Variants in FTO observed in about 807,000 individuals in gnomAD.
The protein encoded by FTO is alpha-ketoglutarate-dependent dioxygenase FTO.
A neutral mutation model predicts 63.9 loss-of-function variants in FTO; 47 were observed. The ratio of observed to expected loss-of-function variants is 0.74; its 90% confidence interval spans 0.58 to 0.94. The LOEUF (loss-of-function observed/expected upper bound fraction) is 0.94. FTO is among the 40% of genes least tolerant of loss of function. The pLI is 0.00. For missense variants in FTO, 562 were observed against 618.1 expected (o/e 0.91, Z 0.96); for synonymous variants, 207 against 224.4 (o/e 0.92, Z 0.69).
chr16:54,008,165 C>T (rs976544350), intron 8 of FTO, among the ~76,000 whole-genome samples: 1 of 152,170 alleles, frequency 6.6e-6, no homozygotes, highest in Non-Finnish European at 1.5e-5. Context: ...CCTTCCATTA[C>T]CTTTGATACG....
At chr16:53,873,648 A>G in intron 4 of FTO, 138 bp from the exon 5 acceptor site, 1 of 660,948 alleles carries the variant, frequency 1.5e-6, no homozygotes, top group Non-Finnish European at 2.7e-6. Context: ...AAAGAATACA[A>G]GGTAAGTATT....
At position 53,879,952 on chromosome 16, in the gene FTO, G is replaced by A. The variant is rs1274518423; in HGVS notation, c.1084G>A (p.Ala362Thr). ...DDVSLKSFEP[A>T]VLKQGEEIHN... The stretch of plus-strand genomic sequence containing the variant: ...TGTCTCTTTGAAATCCTTTGAGCCT[G>A]CAGTTTTGAAACAAGGAGAAGAAAT... The change falls in exon 6 of 9, where the codon GCA becomes ACA. Residue 362 changes from alanine (A) to threonine (T), a missense_variant. Transcript: ENST00000471389. The A allele has an allele frequency of 6.2e-7, 1 of 1,613,662 alleles. No individual in the cohort carries two copies. Among genetic ancestry groups the A allele is most frequent in the African/African-American group, 1.3e-5 (1 of 74,820 alleles).
intron 8 of FTO, among the ~76,000 whole-genome samples, chr16:54,057,399 T>C (rs2085460494): frequency 6.6e-6 from 1 of 152,228 alleles, no homozygotes; most frequent in Non-Finnish European, 1.5e-5. Flanking sequence ...TTTTCTTTCC[T>C]CTTCCCTGGT....
At chr16:54,008,723 G>T (rs1446666128) in intron 8 of FTO, among the ~76,000 whole-genome samples, 4 of 151,186 alleles carry the variant, frequency 2.6e-5, no homozygotes, top group Admixed American at 1.3e-4. Flanking sequence ...CATCCACACA[G>T]GTATCTTCCA....
At chr16:53,966,925 G>C (rs2083208743) in intron 8 of FTO, among the ~76,000 whole-genome samples, 1 of 152,168 alleles carries the variant, frequency 6.6e-6, no homozygotes, top group South Asian at 2.1e-4. Context: ...CTGTTCTTCT[G>C]TAATTATAAT....
At chr16:54,036,176 C>CTA (rs1298570896) in intron 8 of FTO, among the ~76,000 whole-genome samples, 1 of 152,198 alleles carries the variant, frequency 6.6e-6, no homozygotes, top group African/African-American at 2.4e-5. Flanking sequence ...TTTCAACTGT[C>CTA]TATCCTATTT....
chr16:53,755,481 T>C (rs1025283015), intron 1 of FTO, among the ~76,000 whole-genome samples: 1 of 152,174 alleles, frequency 6.6e-6, no homozygotes, highest in Non-Finnish European at 1.5e-5. Flanking sequence ...GTCAAGTCCA[T>C]ATATTTCGGT....
chr16:53,975,708 A>C (rs2083421501), intron 8 of FTO, among the ~76,000 whole-genome samples: 1 of 152,158 alleles, frequency 6.6e-6, no homozygotes, highest in African/African-American at 2.4e-5. Context: ...AAAAATCCAA[A>C]CAATATAAAT....
chr16:53,843,594 A>AGC (rs2079534593), intron 3 of FTO, among the ~76,000 whole-genome samples: 1 of 152,186 alleles, frequency 6.6e-6, no homozygotes, highest in Non-Finnish European at 1.5e-5. Flanking sequence ...TTAGAAAAAC[A>AGC]TTCCTTGGCT....
chr16:54,092,427 G>T (rs192740945), intron 8 of FTO, among the ~76,000 whole-genome samples: 1 of 152,136 alleles, frequency 6.6e-6, no homozygotes, highest in Non-Finnish European at 1.5e-5. Flanking sequence ...TAAACTGAGG[G>T]GGGTAGGAGA....
At chr16:53,850,447 T>C (rs893122968) in intron 4 of FTO, among the ~76,000 whole-genome samples, 2 of 152,182 alleles carry the variant, frequency 1.3e-5, no homozygotes, top group African/African-American at 2.4e-5. Context: ...ACTTGATATC[T>C]GATTTTTTTT....
At chr16:53,926,606 G>A (rs1330038427) in intron 7 of FTO, among the ~76,000 whole-genome samples, 1 of 152,206 alleles carries the variant, frequency 6.6e-6, no homozygotes, top group African/African-American at 2.4e-5. Context: ...ATCTAATTTG[G>A]TGGAAGGACG....
At chr16:53,738,240 T>G (rs1183931669) in intron 1 of FTO, among the ~76,000 whole-genome samples, 2 of 152,154 alleles carry the variant, frequency 1.3e-5, no homozygotes, top group Non-Finnish European at 2.9e-5. Context: ...CAGGCTGGTC[T>G]CGAACTCCCC....
chr16:53,801,139 G>C (rs930317756), intron 1 of FTO, among the ~76,000 whole-genome samples: 3 of 151,530 alleles, frequency 2.0e-5, no homozygotes, highest in African/African-American at 7.3e-5. Context: ...TACCACTTTT[G>C]TCTATTCTTT....
intron 1 of FTO, among the ~76,000 whole-genome samples, chr16:53,763,949 A>C (rs995231277): frequency 1.3e-5 from 2 of 152,120 alleles, no homozygotes; most frequent in East Asian, 3.8e-4. Flanking sequence ...GGGATTTTTG[A>C]GTGAGTGATG....
chr16:54,037,194 T>C (rs1356991459), intron 8 of FTO, among the ~76,000 whole-genome samples: 2 of 152,156 alleles, frequency 1.3e-5, no homozygotes, highest in Admixed American at 6.5e-5. Flanking sequence ...CAGCTGTGGC[T>C]AGGGAGTTCA....
At chr16:53,930,261 G>A (rs1321985949) in intron 7 of FTO, among the ~76,000 whole-genome samples, 6 of 109,524 alleles carry the variant, frequency 5.5e-5, no homozygotes, top group Admixed American at 1.4e-4. Context: ...ACAGAGTCTC[G>A]CTCCCAGGCT....
At chr16:53,735,604 A>G (rs2076375422) in intron 1 of FTO, among the ~76,000 whole-genome samples, 1 of 152,224 alleles carries the variant, frequency 6.6e-6, no homozygotes, top group Admixed American at 6.5e-5. Flanking sequence ...TTAATGTGGA[A>G]ACTGTGGCAA....
At chr16:53,888,422 G>C (rs759703289) in intron 6 of FTO, among the ~76,000 whole-genome samples, 25 of 151,706 alleles carry the variant, frequency 1.6e-4, no homozygotes, top group Admixed American at 3.9e-4. Flanking sequence ...AAAATAAATT[G>C]GCCAATTTAT....
Sources: allele counts gnomAD v4.1 joint callset (sites outside exome capture counted in the v4.1 genomes callset), GRCh38; gene constraint gnomAD v4.1.1; transcripts MANE v1.5; gene names NCBI Gene and HGNC (gene_info 2026-07-23, HGNC 2026-07-21).